The following ASTN2 variants were observed in gnomAD, a reference collection of about 807,000 sequenced individuals.
ASTN2 encodes the protein astrotactin 2.
Under a neutral mutation model 139.8 loss-of-function variants are expected in ASTN2, and 54 were observed. The ratio of observed to expected loss-of-function variants is 0.39; its 90% confidence interval spans 0.31 to 0.48. The LOEUF is 0.48. Ranked by LOEUF, ASTN2 falls within the 20% of genes least tolerant of loss-of-function variation. The pLI is 0.95. For missense variants in ASTN2, 1,565 were observed against 1,725.1 expected (o/e 0.91, Z 1.64); for synonymous variants, 756 against 719.5 (o/e 1.05, Z -0.81).
At chr9:116,924,565 G>A (rs369254712) in intron 10 of ASTN2, among the ~76,000 whole-genome samples, 115 of 152,234 alleles carry the variant, frequency 7.6e-4, no homozygotes, top group African/African-American at 2.7e-3. Flanking sequence ...GAATTTTCCG[G>A]GAAAGGGGCA....
intron 17 of ASTN2, among the ~76,000 whole-genome samples, chr9:116,646,654 C>T (rs1045985570): frequency 6.6e-6 from 1 of 152,134 alleles, no homozygotes; most frequent in Non-Finnish European, 1.5e-5. Context: ...GCTGTCATGA[C>T]ACTTTAAACA....
intron 6 of ASTN2, among the ~76,000 whole-genome samples, chr9:117,016,034 T>C (rs1837663025): frequency 6.6e-6 from 1 of 152,198 alleles, no homozygotes; most frequent in Non-Finnish European, 1.5e-5. Flanking sequence ...ATACACTGTA[T>C]GTACTGTTTA....
chr9:116,735,895 C>T (rs531948045), intron 13 of ASTN2, among the ~76,000 whole-genome samples: 61 of 152,334 alleles, frequency 4.0e-4, no homozygotes, highest in African/African-American at 1.5e-3. Context: ...GGGATCATAA[C>T]AGCTATTCAG....
At chr9:117,280,068 CTTG>C (rs1203534402) in intron 2 of ASTN2, among the ~76,000 whole-genome samples, 1 of 151,912 alleles carries the variant, frequency 6.6e-6, no homozygotes, top group Non-Finnish European at 1.5e-5. Context: ...TACTGTTTTC[CTTG>C]TTGTTGTTTT....
intron 1 of ASTN2, among the ~76,000 whole-genome samples, chr9:117,331,269 C>T (rs1360375628): frequency 1.3e-5 from 2 of 152,158 alleles, no homozygotes; most frequent in East Asian, 3.9e-4. Flanking sequence ...AGGCTTAGAG[C>T]CCGAGGTTTC....
chr9:117,205,618 C>T (rs1369161735), intron 3 of ASTN2, among the ~76,000 whole-genome samples: 2 of 152,046 alleles, frequency 1.3e-5, no homozygotes, highest in Non-Finnish European at 2.9e-5. Context: ...TCTGTTTGTC[C>T]ACTGAGCATC....
At chr9:117,272,159 C>A (rs946200701) in intron 2 of ASTN2, among the ~76,000 whole-genome samples, 1 of 152,238 alleles carries the variant, frequency 6.6e-6, no homozygotes, top group Non-Finnish European at 1.5e-5. Flanking sequence ...GTTCCCAAAC[C>A]TCAATTCTTG....
At chr9:116,902,114 C>T (rs559424090) in intron 10 of ASTN2, among the ~76,000 whole-genome samples, 1 of 152,204 alleles carries the variant, frequency 6.6e-6, no homozygotes, top group South Asian at 2.1e-4. Flanking sequence ...CAGGCATGTC[C>T]TTCAGGAGGT....
chr9:116,614,093 G>C (rs1855705144), intron 19 of ASTN2, among the ~76,000 whole-genome samples: 1 of 152,216 alleles, frequency 6.6e-6, no homozygotes. Context: ...CAGACAGAGA[G>C]CCAAATCATG....
intron 2 of ASTN2, among the ~76,000 whole-genome samples, chr9:117,259,712 T>A (rs574978460): frequency 1.3e-5 from 2 of 152,290 alleles, no homozygotes; most frequent in South Asian, 4.1e-4. Flanking sequence ...CCAATGTACA[T>A]CTTACATGTA....
chr9:116,976,283 C>T lies in ASTN2; in HGVS notation c.1677-95G>A, dbSNP rs903772116. On this transcript the variant is annotated intron_variant, in intron 8 of 22. Coordinates refer to ENST00000313400, the MANE Select transcript of ASTN2 (RefSeq NM_001365068.1). ...TGCTCTAGAGTAGCTTTACAAACAA[C>T]CAAACTCTGCAGAAATAATTATTGG... The T allele has an allele frequency of 1.5e-5, 14 of 945,690 alleles. No homozygotes were observed. The Middle Eastern group carries it at 1.5e-3, about 102-fold the overall frequency. 58.6% of individuals were successfully genotyped at this position (945,690 alleles called of 1,614,324 possible). A position where few individuals can be genotyped will look rare whatever the true frequency, so the allele number is the denominator to read the frequency against.
intron 6 of ASTN2, among the ~76,000 whole-genome samples, chr9:117,028,421 A>G (rs966178869): frequency 2.0e-5 from 3 of 152,168 alleles, no homozygotes; most frequent in African/African-American, 7.2e-5. Flanking sequence ...GCGCTGGGGA[A>G]GGGGGAGCAG....
At position 117,108,404 on chromosome 9, in the gene ASTN2, A is replaced by G. The variant is rs561696352; in HGVS notation, c.1169-12253T>C. Among the ~76,000 whole-genome samples the G allele has an allele frequency of 2.7e-5, 4 of 150,736 alleles. No homozygotes were observed. In the South Asian group the frequency reaches 8.4e-4, roughly 32 times the overall value. On this transcript the variant is annotated intron_variant, in intron 4 of 22. Transcript: ENST00000313400. ...TGACTATACTATCAAGCAGCCTACA[A>G]TTGTGCCCTTTGGAAAAAAACAAAA...
chr9:117,044,610 G>T (rs76817594), intron 5 of ASTN2, among the ~76,000 whole-genome samples: 1 of 152,312 alleles, frequency 6.6e-6, no homozygotes, highest in East Asian at 1.9e-4. Flanking sequence ...TCCCAAAGCA[G>T]GCTTCTTACT....
chr9:117,020,255 C>T (rs1267674499), intron 6 of ASTN2, among the ~76,000 whole-genome samples: 1 of 151,722 alleles, frequency 6.6e-6, no homozygotes, highest in African/African-American at 2.4e-5. Flanking sequence ...ATAACACCAA[C>T]TTCAGAAGAT....
intron 19 of ASTN2, among the ~76,000 whole-genome samples, chr9:116,577,979 A>G (rs1253464489): frequency 6.6e-6 from 1 of 152,102 alleles, no homozygotes; most frequent in Non-Finnish European, 1.5e-5. Context: ...AAGAAGGGGT[A>G]AGATTTTGGA....
intron 5 of ASTN2, among the ~76,000 whole-genome samples, chr9:117,074,664 C>A (rs543079627): frequency 6.6e-6 from 1 of 152,214 alleles, no homozygotes; most frequent in East Asian, 1.9e-4. Context: ...GCTACAGGGA[C>A]CACAGTAGCA....
chr9:116,964,508 G>A (rs557328455), intron 10 of ASTN2, among the ~76,000 whole-genome samples: 18 of 152,232 alleles, frequency 1.2e-4, no homozygotes, highest in Non-Finnish European at 1.8e-4. Flanking sequence ...GGCAGGCAAC[G>A]GAGCAGGAGG....
intron 5 of ASTN2, among the ~76,000 whole-genome samples, chr9:117,041,948 C>G (rs946312062): frequency 6.6e-6 from 1 of 152,070 alleles, no homozygotes; most frequent in African/African-American, 2.4e-5. Flanking sequence ...CCCCTCATAC[C>G]TTATTCCAAA....
Sources: allele counts gnomAD v4.1 joint callset (sites outside exome capture counted in the v4.1 genomes callset), GRCh38; gene constraint gnomAD v4.1.1; transcripts MANE v1.5; gene names NCBI Gene and HGNC (gene_info 2026-07-23, HGNC 2026-07-21).